Variants in PARP14 observed in about 807,000 individuals in gnomAD.
PARP14 encodes poly(ADP-ribose) polymerase family member 14.
In PARP14, 59 loss-of-function variants were observed where a neutral mutation model predicts 154.2. The ratio of observed to expected loss-of-function variants is 0.38; its 90% confidence interval spans 0.31 to 0.48. The LOEUF (loss-of-function observed/expected upper bound fraction) is 0.48. PARP14 is among the 20% of genes least tolerant of loss of function. The pLI, the probability that PARP14 is intolerant of heterozygous loss-of-function variation, is 0.98. For synonymous variants in PARP14, 720 were observed against 780.5 expected (o/e 0.92, Z 1.29); for missense variants, 1,734 against 2,131.6 (o/e 0.81, Z 3.67).
At chr3:122,725,644 C>G (rs1933269704) in intron 15 of PARP14, among the ~76,000 whole-genome samples, 1 of 152,108 alleles carries the variant, frequency 6.6e-6, no homozygotes, top group Non-Finnish European at 1.5e-5. Flanking sequence ...TCTTTTCCCA[C>G]TCTTTTTCTT....
At position 122,700,955 on chromosome 3, in the gene PARP14, G is replaced by A. The variant is rs1277640864; in HGVS notation, c.2401G>A (p.Gly801Ser). ...CTTCTCTCGGACAGTCTTGGCCCCT[G>A]GCGTTGTGCTGATTGTGCAGCAGGG... Reference protein sequence around the residue: ...KCFSRTVLAPGVVLIVQQGDL... With the variant: ...KCFSRTVLAPSVVLIVQQGDL... Residue 801 changes from glycine to serine, a missense_variant, in exon 6 of 17, where the codon GGC becomes AGC. Gly to Ser is a moderately conservative substitution (Grantham distance 56, BLOSUM62 0). Transcript: ENST00000474629. The A allele has an allele frequency of 6.2e-7, 1 of 1,613,952 alleles. No individual in the cohort carries two copies. The highest frequency in any genetic ancestry group is 1.3e-5 in the African/African-American group (1 of 75,028).
intron 9 of PARP14, 104 bp from the exon 10 acceptor site, chr3:122,713,320 A>G (rs1939381035): frequency 4.8e-6 from 4 of 837,910 alleles, no homozygotes; most frequent in African/African-American, 3.4e-5. Context: ...TCACAGAAAG[A>G]GAGGGAGAGG....
chr3:122,697,173 T>A (rs1015063059), intron 5 of PARP14, among the ~76,000 whole-genome samples: 1 of 152,136 alleles, frequency 6.6e-6, no homozygotes, highest in South Asian at 2.1e-4. Flanking sequence ...AGTCTGGTCT[T>A]GAACTCCTGG....
At chr3:122,726,542 A>G (rs16833467) in intron 15 of PARP14, among the ~76,000 whole-genome samples, 8,923 of 152,270 alleles carry the variant, frequency 0.059, 323 homozygotes, top group African/African-American at 0.097. Context: ...TTGGTCTGAT[A>G]AAAGTAATCT....
rs144010614 is a variant in PARP14 at position 122,704,925 on chromosome 3, G to A, written c.3540+177G>A. ...ACAAATTTTAAGAAAAGTTACAGAT[G>A]TAGAAAAAATTTAACTTCCTATTCA... is the stretch of plus-strand genomic sequence containing the variant. On this transcript the variant is annotated intron_variant, in intron 8 of 16. Transcript: ENST00000474629. Among the ~76,000 whole-genome samples the A allele has an allele frequency of 7.7e-3, 1,172 of 152,278 alleles. 7 individuals are homozygous for A. Among genetic ancestry groups the A allele is most frequent in the Non-Finnish European group, 0.012 (813 of 68,000 alleles).
At chr3:122,704,060 T>A (rs891230220) in intron 7 of PARP14, 82 bp downstream of exon 7, 15 of 881,538 alleles carry the variant, frequency 1.7e-5, no homozygotes, top group Middle Eastern at 2.3e-4. Context: ...TGGACATAGA[T>A]TGGGCCTTGT....
At position 122,681,523 on chromosome 3, in the gene PARP14, A is replaced by T. The variant is rs1297371728; in HGVS notation, c.187+453A>T. Among the ~76,000 whole-genome samples the T allele has an allele frequency of 6.6e-6, 1 of 152,164 alleles. No homozygotes were observed. The highest frequency in any genetic ancestry group is 1.5e-5 in the Non-Finnish European group (1 of 68,032). On this transcript the variant is annotated intron_variant, in intron 1 of 16. Coordinates refer to ENST00000474629, the MANE Select transcript of PARP14 (RefSeq NM_017554.3). This position sits in a 1 kb window ranked among gnomAD's most constrained non-coding sequence, Gnocchi z 5.5. ...TTCCTTGTGGTTCTTGGAGATTCCC[A>T]GGGGTCCCGGGGTCACTTGGGAGAG... is the stretch of plus-strand genomic sequence containing the variant.
chr3:122,713,732 G>T, intron 10 of PARP14, 140 bp from the exon 11 acceptor site: 2 of 878,808 alleles, frequency 2.3e-6, no homozygotes. Context: ...ATTTTATGAA[G>T]TTTTCTTCTT....
intron 4 of PARP14, 132 bp downstream of exon 4, chr3:122,692,675 A>G (rs573666144): frequency 7.1e-6 from 5 of 704,166 alleles, no homozygotes; most frequent in African/African-American, 5.3e-5. Flanking sequence ...CCAAGTTAAT[A>G]TAGTTTTTTT....
rs759386516 is a variant in PARP14 at position 122,681,436 on chromosome 3, CTGT to C, written c.187+371_187+373del. Among the ~76,000 whole-genome samples the C allele has an allele frequency of 3.9e-5, 6 of 152,132 alleles. No homozygotes were observed. The highest frequency in any genetic ancestry group is 7.2e-5 in the African/African-American group (3 of 41,436). On this transcript the variant is annotated intron_variant, in intron 1 of 16. Coordinates refer to ENST00000474629, the MANE Select transcript of PARP14 (RefSeq NM_017554.3). This position sits in a 1 kb window ranked among gnomAD's most constrained non-coding sequence, Gnocchi z 5.5. ...TCTTATCATCCTTTTCTGTCTTTTC[CTGT>C]TGTTATTATTCTTGTGTGGGGAAGG...
chr3:122,714,036 A>G (rs1468754904), intron 11 of PARP14, 102 bp downstream of exon 11: 1 of 890,058 alleles, frequency 1.1e-6, no homozygotes, highest in Non-Finnish European at 1.8e-6. Context: ...CTCTAATTTT[A>G]AAATGATACA....
chr3:122,704,722 C>T lies in PARP14; in HGVS notation c.3514C>T (p.His1172Tyr), dbSNP rs1171890909. 1 of 1,600,160 alleles carries T rather than the reference C, an allele frequency of 6.2e-7. No homozygotes were observed. The highest frequency in any genetic ancestry group is 8.5e-7 in the Non-Finnish European group (1 of 1,171,546). ...TTTACAAGAGGTTCACTTTCTGCTG[C>T]ACCCGAGTGATCATGAAAATATTCA... The part of the protein sequence containing the change: ...KTLQEVHFLL[H>Y]PSDHENIQAF... Residue 1172 changes from histidine (H) to tyrosine (Y), a missense_variant, in exon 8 of 17, where the codon CAC (histidine) becomes TAC (tyrosine). By Grantham distance (83) the His-to-Tyr change is moderately conservative. Around this residue, in one of 2 missense-constraint regions of PARP14, gnomAD observed 1,646 missense variants for 1,976.0 expected, o/e 0.83. Transcript: ENST00000474629.
intron 3 of PARP14, among the ~76,000 whole-genome samples, chr3:122,688,031 T>C (rs551924557): frequency 6.6e-6 from 1 of 152,340 alleles, no homozygotes; most frequent in South Asian, 2.1e-4. Flanking sequence ...GTTAAAACTG[T>C]AGAATTTAGT....
chr3:122,703,891 C>T lies in PARP14; in HGVS notation c.3231C>T (p.Leu1077=). 2 of 1,613,942 alleles carry T rather than the reference C, an allele frequency of 1.2e-6. No homozygotes were observed. Among genetic ancestry groups the T allele is most frequent in the Non-Finnish European group, 1.7e-6 (2 of 1,179,876 alleles). The change falls in exon 7 of 17, where the codon CTC becomes CTT. Residue 1077 remains leucine (L), a synonymous_variant. Transcript: ENST00000474629. ...QGVAVSMGTV[L]KTSSWNLDCR... ...TGGCTGTCAGCATGGGCACAGTGCT[C>T]AAAACCAGCAGCTGGAATCTGGACT...
rs753398641 is a variant in PARP14, at chr3:122,700,938, G to A, written c.2384G>A (p.Arg795Gln). ...GSPAGQKCFSRTVLAPGVVLI... is the reference protein window; with the variant it reads ...GSPAGQKCFSQTVLAPGVVLI... Reference sequence around the variant, plus strand: ...CCCGCTGGGCAGAAGTGCTTCTCTCGGACAGTCTTGGCCCCTGGCGTTGTG... The same window carrying A: ...CCCGCTGGGCAGAAGTGCTTCTCTCAGACAGTCTTGGCCCCTGGCGTTGTG... Residue 795 changes from arginine (R) to glutamine (Q), a missense_variant, in exon 6 of 17, where the codon CGG (arginine) becomes CAG (glutamine). Transcript: ENST00000474629. 1.9e-5 allele frequency: 30 copies of A among 1,613,856 alleles called. No homozygotes were observed. Among genetic ancestry groups the A allele is most frequent in the East Asian group, 1.1e-4 (5 of 44,904 alleles).
intron 9 of PARP14, among the ~76,000 whole-genome samples, chr3:122,711,616 T>C (rs1050856181): frequency 6.6e-6 from 1 of 152,188 alleles, no homozygotes; most frequent in African/African-American, 2.4e-5. Flanking sequence ...TTAGGGAGGA[T>C]TTCTTCTTTC....
chr3:122,701,486 T>C lies in PARP14; in HGVS notation c.2932T>C (p.Phe978Leu), dbSNP rs1343474214. Residue 978 changes from phenylalanine to leucine, a missense_variant, in exon 6 of 17, where the codon TTT becomes CTT. By Grantham distance (22) the Phe-to-Leu change is conservative. This residue lies in a region of PARP14 where 1,646 missense variants were observed against 1,976.0 expected (regional missense o/e 0.83). Transcript: ENST00000474629. This position sits in a 1 kb window ranked among gnomAD's most constrained non-coding sequence, Gnocchi z 4.0. The stretch of plus-strand genomic sequence containing the variant: ...CTTTGCAGAAGCTGTGAAAACTGTA[T>C]TTAAAGCCACCCTGCCAGATACAGC... ...EAFAEAVKTV[F>L]KATLPDTAAP... 15 of 1,613,790 alleles carry C rather than the reference T, an allele frequency of 9.3e-6. No homozygotes were observed. The highest frequency in any genetic ancestry group is 1.3e-5 in the African/African-American group (1 of 74,934).
chr3:122,700,241 A>G lies in PARP14; in HGVS notation c.1687A>G (p.Lys563Glu). The G allele has an allele frequency of 6.2e-7, 1 of 1,612,456 alleles. No homozygotes were observed. Among genetic ancestry groups the G allele is most frequent in the Non-Finnish European group, 8.5e-7 (1 of 1,179,006 alleles). Residue 563 changes from lysine (K) to glutamate (E), a missense_variant, in exon 6 of 17, where the codon AAG (lysine) becomes GAG (glutamate). Transcript: ENST00000474629. The part of the protein sequence containing the change: ...EFSKCLFIAQ[K>E]ILALYELEGT... Reference sequence around the variant, plus strand: ...CTCTAAGTGTCTTTTCATAGCACAGAAGATTCTTGCACTTTATGAGCTAGA... The same window carrying G: ...CTCTAAGTGTCTTTTCATAGCACAGGAGATTCTTGCACTTTATGAGCTAGA...
In PARP14 at chr3:122,728,998, C is replaced by T. The variant is rs1933355133; in HGVS notation, c.*401C>T. On this transcript the variant is annotated 3_prime_UTR_variant, in exon 17 of 17. Coordinates refer to ENST00000474629, the MANE Select transcript of PARP14 (RefSeq NM_017554.3). Reference sequence around the variant, plus strand: ...AGTGCTGTGGGGAGCACAGTATTACCCAGTGGGTAGGGCTTCTGTCTTCCC... The same window carrying T: ...AGTGCTGTGGGGAGCACAGTATTACTCAGTGGGTAGGGCTTCTGTCTTCCC... The T allele has an allele frequency of 5.7e-6, 1 of 175,760 alleles. No homozygotes were observed. Among genetic ancestry groups the T allele is most frequent in the Admixed American group, 5.5e-5 (1 of 18,224 alleles). 10.9% of individuals were successfully genotyped at this position (175,760 alleles called of 1,614,324 possible). A position where few individuals can be genotyped will look rare whatever the true frequency, so the allele number is the denominator to read the frequency against.
Sources: gnomAD v4.1 joint callset for allele counts (sites outside exome capture counted in the v4.1 genomes callset) on GRCh38, gnomAD v4.1.1 for gene constraint, gnomAD v4.1.1 regional missense constraint, Gnocchi (gnomAD v3.1) non-coding constraint, MANE v1.5 for transcripts, NCBI Gene and HGNC (gene_info 2026-07-23, HGNC 2026-07-21) for gene names.